Variants in SLC27A6 observed in about 807,000 individuals in gnomAD.
SLC27A6 encodes the protein solute carrier family 27 member 6.
SLC27A6 carries 74 observed loss-of-function variants against 63.9 expected under a neutral mutation model. That is an observed-to-expected ratio of 1.16 (90% confidence interval 0.96 to 1.40). The LOEUF is 1.40. Ranked by LOEUF, SLC27A6 falls within the 40% of genes most tolerant of loss-of-function variation. The pLI is 0.00. For missense variants in SLC27A6, 794 were observed against 732.9 expected (o/e 1.08, Z -0.96); for synonymous variants, 287 against 260.8 (o/e 1.10, Z -0.97).
At chr5:129,019,760 G>A (rs985630465) in intron 5 of SLC27A6, among the ~76,000 whole-genome samples, 2 of 151,448 alleles carry the variant, frequency 1.3e-5, no homozygotes, top group African/African-American at 2.4e-5. Flanking sequence ...AAAGATGAGT[G>A]GAATTAAGGA....
chr5:129,023,904 G>A (rs957901674), intron 6 of SLC27A6, among the ~76,000 whole-genome samples, 194 bp downstream of exon 6: 1 of 151,952 alleles, frequency 6.6e-6, no homozygotes. Flanking sequence ...ACTTTAAACA[G>A]GTTGCTTATA....
intron 4 of SLC27A6, among the ~76,000 whole-genome samples, chr5:129,013,809 G>T (rs747949120): frequency 6.6e-6 from 1 of 151,712 alleles, no homozygotes; most frequent in South Asian, 2.1e-4. Flanking sequence ...GGTATTTTTG[G>T]CATGTTCTTT....
intron 1 of SLC27A6, among the ~76,000 whole-genome samples, chr5:128,972,598 C>T (rs1341670739): frequency 6.6e-6 from 1 of 152,170 alleles, no homozygotes; most frequent in Admixed American, 6.5e-5. Context: ...AGTTCTCGTG[C>T]CATGGTTTTC....
chr5:128,987,781 A>G (rs1391887415), intron 2 of SLC27A6, among the ~76,000 whole-genome samples: 1 of 152,160 alleles, frequency 6.6e-6, no homozygotes, highest in Admixed American at 6.6e-5. Flanking sequence ...TAAAAATGAA[A>G]GGATGAACAC....
chr5:129,022,666 A>G (rs553831663), intron 5 of SLC27A6, among the ~76,000 whole-genome samples: 10 of 152,134 alleles, frequency 6.6e-5, no homozygotes, highest in Non-Finnish European at 1.5e-4. Context: ...CTTACAGAAT[A>G]AAAATGAGGA....
At chr5:129,009,639 A>G (rs184883971) in intron 4 of SLC27A6, among the ~76,000 whole-genome samples, 3 of 151,220 alleles carry the variant, frequency 2.0e-5, no homozygotes, top group Admixed American at 6.6e-5. Context: ...TCACAAATCC[A>G]TCTCAAACTC....
At chr5:128,998,917 A>G (rs1751245526) in intron 4 of SLC27A6, among the ~76,000 whole-genome samples, 1 of 152,154 alleles carries the variant, frequency 6.6e-6, no homozygotes. Flanking sequence ...AGCGGGGGTA[A>G]AACACAATGA....
intron 9 of SLC27A6, 81 bp downstream of exon 9, chr5:129,029,788 C>A: frequency 7.9e-7 from 1 of 1,260,222 alleles, no homozygotes; most frequent in Non-Finnish European, 1.1e-6. Flanking sequence ...ATATTGTATC[C>A]TTTAGATAAC....
At chr5:129,018,330 T>C (rs1186626178) in intron 5 of SLC27A6, among the ~76,000 whole-genome samples, 1 of 152,092 alleles carries the variant, frequency 6.6e-6, no homozygotes, top group Non-Finnish European at 1.5e-5. Context: ...TTCTAATCCA[T>C]GGTGATTTTT....
At chr5:128,998,713 G>A (rs1014908592) in intron 4 of SLC27A6, among the ~76,000 whole-genome samples, 5 of 152,054 alleles carry the variant, frequency 3.3e-5, no homozygotes, top group African/African-American at 4.8e-5. Flanking sequence ...ATTTCTTTGA[G>A]TATTCATTTG....
intron 5 of SLC27A6, 46 bp downstream of exon 5, chr5:129,016,125 G>A: frequency 1.4e-6 from 2 of 1,380,646 alleles, no homozygotes; most frequent in Non-Finnish European, 2.0e-6. Flanking sequence ...CGGTGCGGTG[G>A]CTCATACCTG....
At chr5:128,982,813 C>T (rs1431809636) in intron 1 of SLC27A6, among the ~76,000 whole-genome samples, 3 of 152,142 alleles carry the variant, frequency 2.0e-5, no homozygotes, top group African/African-American at 7.2e-5. Flanking sequence ...GGCATTTTCC[C>T]TGGATTCTTA....
chr5:129,028,814 A>G (rs1415333826), intron 8 of SLC27A6, among the ~76,000 whole-genome samples: 2 of 152,028 alleles, frequency 1.3e-5, no homozygotes, highest in African/African-American at 4.8e-5. Context: ...ATGTTTAAAA[A>G]TACTGACTTT....
At chr5:128,982,228 A>G (rs1366022533) in intron 1 of SLC27A6, among the ~76,000 whole-genome samples, 1 of 152,052 alleles carries the variant, frequency 6.6e-6, no homozygotes, top group African/African-American at 2.4e-5. Flanking sequence ...CCTCACCCAC[A>G]TTTCCTACCA....
intron 1 of SLC27A6, among the ~76,000 whole-genome samples, chr5:128,975,953 A>G (rs1021631969): frequency 6.6e-6 from 1 of 152,198 alleles, no homozygotes; most frequent in African/African-American, 2.4e-5. Context: ...CTACTGAACC[A>G]TGAAGCCATT....
At chr5:128,995,080 T>C (rs899154480) in intron 4 of SLC27A6, among the ~76,000 whole-genome samples, 1 of 152,250 alleles carries the variant, frequency 6.6e-6, no homozygotes, top group Non-Finnish European at 1.5e-5. Context: ...TTCCAAGTTT[T>C]CTATGTCACT....
At chr5:128,976,134 G>A (rs1423435090) in intron 1 of SLC27A6, among the ~76,000 whole-genome samples, 1 of 152,110 alleles carries the variant, frequency 6.6e-6, no homozygotes, top group Non-Finnish European at 1.5e-5. Context: ...ACCATGTATG[G>A]ATATCATAGT....
rs746312309 is a variant in SLC27A6, at chr5:128,985,029, T to C, written c.482-104T>C. ...ATCCAACATAAGAAGGAAATCAGCA[T>C]TTTATTTACATTTTATCCCTGTTTC... On this transcript the variant is annotated intron_variant, in intron 1 of 9. Transcript: ENST00000262462. 34 of 752,606 alleles carry C rather than the reference T, an allele frequency of 4.5e-5. No individual in the cohort carries two copies. In the Middle Eastern group the frequency reaches 1.1e-3, roughly 25 times the overall value. The allele number at this position is 752,606 out of a possible 1,614,324, so 46.6% of individuals were successfully genotyped here. A position where few individuals can be genotyped will look rare whatever the true frequency, so the allele number is the denominator to read the frequency against.
At chr5:128,993,391 C>T (rs949893881) in intron 4 of SLC27A6, among the ~76,000 whole-genome samples, 15 of 152,100 alleles carry the variant, frequency 9.9e-5, no homozygotes, top group African/African-American at 3.6e-4. Context: ...ACAAAGGATG[C>T]CTCAGTGGTT....
Sources: gnomAD v4.1 joint callset for allele counts (sites outside exome capture counted in the v4.1 genomes callset) on GRCh38, gnomAD v4.1.1 for gene constraint, MANE v1.5 for transcripts, NCBI Gene and HGNC (gene_info 2026-07-23, HGNC 2026-07-21) for gene names.